PKIB: variants seen among roughly 807,000 people sequenced by gnomAD.
The protein encoded by PKIB is cAMP-dependent protein kinase inhibitor beta.
A neutral mutation model predicts 4.5 loss-of-function variants in PKIB; 2 were observed. The ratio of observed to expected loss-of-function variants is 0.44; its 90% CI spans 0.18 to 1.39. The LOEUF is 1.39. Among genes scored for constraint, PKIB ranks in the 40% most tolerant of loss-of-function variants. PKIB has a pLI of 0.27. For synonymous variants in PKIB, 38 were observed against 36.0 expected (o/e 1.06, Z -0.20); for missense variants, 94 against 92.6 (o/e 1.02, Z -0.06).
At chr6:122,478,600 T>A (rs1320299776) in intron 2 of PKIB, 2 of 152,064 alleles carry the variant, frequency 1.3e-5, no homozygotes, top group Non-Finnish European at 2.9e-5. Context: ...AAAAACATAA[T>A]TAGAGTCACT....
At chr6:122,597,643 T>C in intron 3 of PKIB, among the ~76,000 whole-genome samples, 1 of 152,232 alleles carries the variant, frequency 6.6e-6, no homozygotes, top group Non-Finnish European at 1.5e-5. Context: ...TACTAATCTC[T>C]GCAATCTCTC....
At chr6:122,654,035 C>G (rs569191823) in intron 2 of PKIB, among the ~76,000 whole-genome samples, 186 of 152,296 alleles carry the variant, frequency 1.2e-3, no homozygotes, top group Admixed American at 0.012. Context: ...TGCCTTTCCC[C>G]GTCTCCAATT....
intron 3 of PKIB, among the ~76,000 whole-genome samples, chr6:122,701,779 C>G (rs895959856): frequency 6.6e-6 from 1 of 152,102 alleles, no homozygotes; most frequent in East Asian, 1.9e-4. Context: ...GATTCCTGCC[C>G]TGGAGATTCA....
intron 3 of PKIB, among the ~76,000 whole-genome samples, chr6:122,686,503 T>TA (rs1255349689): frequency 6.6e-6 from 1 of 151,598 alleles, no homozygotes; most frequent in Non-Finnish European, 1.5e-5. Flanking sequence ...TATATATATA[T>TA]TTTTTATTTT....
intron 2 of PKIB, among the ~76,000 whole-genome samples, chr6:122,670,072 CATG>C (rs1254384843): frequency 1.3e-5 from 2 of 151,546 alleles, no homozygotes; most frequent in African/African-American, 4.9e-5. Flanking sequence ...TTGTCCACCT[CATG>C]AAGCATGACT....
chr6:122,693,158 G>A (rs934062661), intron 3 of PKIB, among the ~76,000 whole-genome samples: 3 of 152,126 alleles, frequency 2.0e-5, no homozygotes, highest in Non-Finnish European at 4.4e-5. Context: ...ACCCTGTGAC[G>A]TATAATTAAT....
chr6:122,575,251 A>G (rs1327791571), intron 2 of PKIB, among the ~76,000 whole-genome samples: 1 of 152,180 alleles, frequency 6.6e-6, no homozygotes, highest in Non-Finnish European at 1.5e-5. Context: ...TCAAAAAACA[A>G]TAGATGTTGG....
intron 2 of PKIB, among the ~76,000 whole-genome samples, chr6:122,539,651 C>T (rs1777526259): frequency 6.6e-6 from 1 of 151,804 alleles, no homozygotes. Flanking sequence ...TCTTTTTTGG[C>T]TGTGTCTCTG....
In PKIB at chr6:122,554,128, A is replaced by C. The variant is rs572706105; in HGVS notation, c.-247-31793A>C. Among the ~76,000 whole-genome samples, 6 of 152,332 alleles carry C rather than the reference A, an allele frequency of 3.9e-5. 1 individual carries two copies. In the South Asian group the frequency reaches 1.2e-3, roughly 32 times the overall value. ...GTCAATTAAAAATTTTGTACTACAGAGCTGGCATTTCCCTGAGCTGGAATT... is the reference window on the plus strand; with the variant it reads ...GTCAATTAAAAATTTTGTACTACAGCGCTGGCATTTCCCTGAGCTGGAATT... On this transcript the variant is annotated intron_variant, in intron 2 of 6. Transcript: ENST00000392491.
intron 3 of PKIB, among the ~76,000 whole-genome samples, chr6:122,688,705 C>T (rs1207399624): frequency 1.3e-5 from 2 of 150,970 alleles, no homozygotes; most frequent in African/African-American, 4.9e-5. Context: ...GATTGCATGT[C>T]TAGAAATTTA....
intron 2 of PKIB, among the ~76,000 whole-genome samples, chr6:122,583,377 G>C (rs900962047): frequency 1.3e-5 from 2 of 152,028 alleles, no homozygotes; most frequent in Admixed American, 6.6e-5. Flanking sequence ...TCCCAGAATT[G>C]AGAATTTTTA....
chr6:122,566,476 T>C (rs1159331954), intron 2 of PKIB, among the ~76,000 whole-genome samples: 1 of 152,174 alleles, frequency 6.6e-6, no homozygotes, highest in Non-Finnish European at 1.5e-5. Context: ...ATTATTAAAA[T>C]ATTTTTGAAT....
rs549257211 is a variant in PKIB at position 122,653,407 on chromosome 6, A to G, written c.-76+20040A>G. Among the ~76,000 whole-genome samples the G allele has an allele frequency of 3.3e-5, 5 of 152,100 alleles. No homozygotes were observed. In the East Asian group the frequency reaches 5.8e-4, roughly 18 times the overall value. ...GTGTTGGGCTGTTCTCCTCTCTTGC[A>G]TGTGTTCTGGCGACCAAGAGGAAAG... is the stretch of plus-strand genomic sequence containing the variant. On this transcript the variant is annotated intron_variant, in intron 2 of 4. Coordinates refer to ENST00000368452, the MANE Select transcript of PKIB (RefSeq NM_181795.3).
upstream of PKIB, among the ~76,000 whole-genome samples, chr6:122,608,902 T>G (rs1014236235): frequency 6.6e-6 from 1 of 152,152 alleles, no homozygotes; most frequent in Non-Finnish European, 1.5e-5. Flanking sequence ...TTAGTATCAC[T>G]CTCTGTCATA....
intron 2 of PKIB, among the ~76,000 whole-genome samples, chr6:122,662,983 A>G (rs1039878365): frequency 6.6e-6 from 1 of 152,060 alleles, no homozygotes; most frequent in Admixed American, 6.5e-5. Context: ...CCTTATCCTG[A>G]TTGTATTATT....
chr6:122,624,518 C>G (rs1775357458), intron 1 of PKIB, among the ~76,000 whole-genome samples: 1 of 152,150 alleles, frequency 6.6e-6, no homozygotes, highest in African/African-American at 2.4e-5. Flanking sequence ...CGTCTATGAA[C>G]TGCTTTTGAG....
intron 2 of PKIB, among the ~76,000 whole-genome samples, chr6:122,548,357 C>A (rs1772570724): frequency 6.6e-6 from 1 of 152,062 alleles, no homozygotes; most frequent in Non-Finnish European, 1.5e-5. Context: ...ATTTCCCGAG[C>A]CTTTCTAAAG....
chr6:122,585,186 G>A (rs1470435910), intron 2 of PKIB, among the ~76,000 whole-genome samples: 1 of 152,006 alleles, frequency 6.6e-6, no homozygotes, highest in African/African-American at 2.4e-5. Context: ...AATAAAAGTT[G>A]ATGTCTAACA....
At chr6:122,515,218 C>A (rs992936410) in intron 2 of PKIB, among the ~76,000 whole-genome samples, 1 of 152,002 alleles carries the variant, frequency 6.6e-6, no homozygotes, top group Non-Finnish European at 1.5e-5. Flanking sequence ...GGATTTGAAC[C>A]GTTTATTCCA....
Sources: allele counts gnomAD v4.1 joint callset (sites outside exome capture counted in the v4.1 genomes callset), GRCh38; gene constraint gnomAD v4.1.1; transcripts MANE v1.5; gene names NCBI Gene and HGNC (gene_info 2026-07-23, HGNC 2026-07-21).